The following ARHGEF7 variants were observed in gnomAD, a reference collection of about 807,000 sequenced individuals.
The protein encoded by ARHGEF7 is PAK-interacting exchange factor beta.
ARHGEF7 carries 33 observed loss-of-function variants against 109.8 expected under a neutral mutation model. The ratio of observed to expected loss-of-function variants is 0.30; its 90% CI spans 0.23 to 0.40. The LOEUF is 0.40. Ranked by LOEUF, ARHGEF7 falls within the 10% of genes least tolerant of loss-of-function variation. The pLI is 1.00. For missense variants in ARHGEF7, 938 were observed against 1,098.5 expected (o/e 0.85, Z 2.07); for synonymous variants, 458 against 424.6 (o/e 1.08, Z -0.97).
At chr13:111,154,084 C>T (rs1220593470) in intron 2 of ARHGEF7, 93 bp downstream of exon 2, 1 of 1,269,786 alleles carries the variant, frequency 7.9e-7, no homozygotes, top group Non-Finnish European at 1.1e-6. Context: ...CTCCTGCCTC[C>T]TCCGCGCCCG....
intron 16 of ARHGEF7, among the ~76,000 whole-genome samples, chr13:111,284,628 A>AT (rs1048320270): frequency 2.6e-5 from 4 of 152,068 alleles, no homozygotes; most frequent in East Asian, 1.9e-4. Flanking sequence ...AAGATAAACA[A>AT]TTTTTTTTGA....
chr13:111,137,848 T>A (rs1392935176), intron 1 of ARHGEF7, among the ~76,000 whole-genome samples: 1 of 152,184 alleles, frequency 6.6e-6, no homozygotes, highest in Non-Finnish European at 1.5e-5. Flanking sequence ...TGGGAAGAAC[T>A]ATAGCTAAAT....
At chr13:111,135,375 A>G (rs867981718) in intron 1 of ARHGEF7, among the ~76,000 whole-genome samples, 1 of 152,158 alleles carries the variant, frequency 6.6e-6, no homozygotes, top group Non-Finnish European at 1.5e-5. Context: ...CATTGAATCT[A>G]TAAATTACCT....
At chr13:111,293,984 C>T (rs887752434) in intron 19 of ARHGEF7, 3 of 985,342 alleles carry the variant, frequency 3.0e-6, no homozygotes, top group Non-Finnish European at 3.6e-6. Context: ...CAGGAGACAT[C>T]AGGGCAGCTG....
chr13:111,154,875 C>T (rs892370825), intron 2 of ARHGEF7, among the ~76,000 whole-genome samples: 2 of 152,036 alleles, frequency 1.3e-5, no homozygotes, highest in Non-Finnish European at 2.9e-5. Context: ...CCTTAGTTTT[C>T]TTATCTGTAA....
intron 2 of ARHGEF7, among the ~76,000 whole-genome samples, chr13:111,172,267 G>A (rs1418121246): frequency 6.6e-6 from 1 of 152,008 alleles, no homozygotes; most frequent in Non-Finnish European, 1.5e-5. Flanking sequence ...TTGGAAATGT[G>A]GTCCTGGAAG....
intron 8 of ARHGEF7, among the ~76,000 whole-genome samples, chr13:111,257,455 T>G (rs2090565307): frequency 1.3e-5 from 2 of 152,270 alleles, no homozygotes; most frequent in South Asian, 4.1e-4. Context: ...TTATAATAGT[T>G]AAATATCATG....
At chr13:111,198,207 T>C (rs763436002) in intron 2 of ARHGEF7, among the ~76,000 whole-genome samples, 7 of 152,124 alleles carry the variant, frequency 4.6e-5, no homozygotes, top group Non-Finnish European at 1.0e-4. Context: ...TAGTTGCTTT[T>C]AACTGGCCGA....
In ARHGEF7 at chr13:111,131,877, G is replaced by A. The variant is rs1336107190; in HGVS notation, c.165+16186G>A. ...AGGCATGCCCAGGACTGAAGAGGGG[G>A]CTGGGAGGGAGCCTGGCAGTCGCAG... On this transcript the variant is annotated intron_variant, in intron 1 of 21. Transcript: ENST00000646102. This position sits in a 1 kb window ranked among gnomAD's most constrained non-coding sequence, Gnocchi z 4.4. Among the ~76,000 whole-genome samples, 5 of 152,222 alleles carry A rather than the reference G, an allele frequency of 3.3e-5. No individual in the cohort carries two copies.
In ARHGEF7 at chr13:111,137,710, T is replaced by C. The variant is rs927306335; in HGVS notation, c.166-16195T>C. On this transcript the variant is annotated intron_variant, in intron 1 of 21. Coordinates refer to ENST00000646102, the MANE Select transcript of ARHGEF7 (RefSeq NM_001354046.2). ...AAATAAAAAAGAATATGTTTTTTTT[T>C]CATACAACAGAAGAGAAACAATCTC... is the stretch of plus-strand genomic sequence containing the variant. Among the ~76,000 whole-genome samples the C allele has an allele frequency of 3.9e-5, 6 of 152,292 alleles. No homozygotes were observed. In the South Asian group the frequency reaches 1.2e-3, roughly 32 times the overall value.
Position 111,147,692 on chromosome 13 carries a change from T to G in ARHGEF7, c.166-6213T>G, listed in dbSNP as rs1341750758. 3.4e-5 allele frequency among the ~76,000 whole-genome samples: 3 copies of G among 88,850 alleles called. No individual in the cohort carries two copies. In the South Asian group the frequency reaches 1.2e-3, roughly 37 times the overall value. 58.3% of individuals were successfully genotyped at this position (88,850 alleles called of 152,430 possible). A position where few individuals can be genotyped will look rare whatever the true frequency, so the allele number is the denominator to read the frequency against. On this transcript the variant is annotated intron_variant, in intron 1 of 21. Coordinates refer to ENST00000646102, the MANE Select transcript of ARHGEF7 (RefSeq NM_001354046.2). ...CACCCTTCCAACTCAGAGGTCACCT[T>G]TTTTTTTTTTTTTTTTTTTTTTTGA... is the stretch of plus-strand genomic sequence containing the variant.
intron 2 of ARHGEF7, among the ~76,000 whole-genome samples, chr13:111,186,404 A>G (rs1429931435): frequency 1.3e-5 from 2 of 152,186 alleles, no homozygotes; most frequent in African/African-American, 4.8e-5. Flanking sequence ...ATTTGGGTGC[A>G]TGTTGGGTGA....
chr13:111,204,261 G>A (rs1484102676), intron 2 of ARHGEF7, among the ~76,000 whole-genome samples: 7 of 152,214 alleles, frequency 4.6e-5, no homozygotes, highest in Admixed American at 2.6e-4. Flanking sequence ...GACAGCCCTG[G>A]AGAGAAGGTG....
At chr13:111,275,129 C>T (rs915579409) in intron 11 of ARHGEF7, among the ~76,000 whole-genome samples, 1 of 152,122 alleles carries the variant, frequency 6.6e-6, no homozygotes, top group Admixed American at 6.5e-5. Context: ...TTACCAACTG[C>T]GTTTTGGAAA....
Position 111,273,746 on chromosome 13 carries a change from G to C in ARHGEF7, c.1074-68G>C. On this transcript the variant is annotated intron_variant, in intron 9 of 21. Transcript: ENST00000646102. This position sits in a 1 kb window ranked among gnomAD's most constrained non-coding sequence, Gnocchi z 4.5. ...TCATAAATTCTGGCTGTTGCTCATG[G>C]AGATGAGAGAGCCACCATTGTCTCT... is the stretch of plus-strand genomic sequence containing the variant. 1 of 1,592,194 alleles carries C rather than the reference G, an allele frequency of 6.3e-7. No individual in the cohort carries two copies. The highest frequency in any genetic ancestry group is 1.1e-5 in the South Asian group (1 of 90,316).
At position 111,286,254 on chromosome 13, in the gene ARHGEF7, G is replaced by T. The variant is rs749997111; in HGVS notation, c.2044+14G>T. On this transcript the variant is annotated intron_variant, in intron 17 of 21. Coordinates refer to ENST00000646102, the MANE Select transcript of ARHGEF7 (RefSeq NM_001354046.2). ...CGTCCCGGAAAAGTGAGTACCTGCG[G>T]TCCGTGTGGTGGAGGACGTGGCCTC... 1 of 1,606,660 alleles carries T rather than the reference G, an allele frequency of 6.2e-7. No homozygotes were observed. The highest frequency in any genetic ancestry group is 1.7e-5 in the Admixed American group (1 of 59,986).
At chr13:111,271,323 C>G (rs1034384937) in intron 9 of ARHGEF7, among the ~76,000 whole-genome samples, 5 of 152,164 alleles carry the variant, frequency 3.3e-5, no homozygotes, top group African/African-American at 1.2e-4. Flanking sequence ...CCTGGACCCT[C>G]CTCAGTTCCC....
At chr13:111,295,232 T>C (rs1274053048) in intron 19 of ARHGEF7, 8 of 933,252 alleles carry the variant, frequency 8.6e-6, no homozygotes, top group Non-Finnish European at 1.0e-5. Context: ...GGGAGGGGAA[T>C]AGCATAGTTT....
intron 1 of ARHGEF7, among the ~76,000 whole-genome samples, chr13:111,127,055 A>G (rs1218623891): frequency 1.3e-5 from 2 of 152,192 alleles, no homozygotes; most frequent in Non-Finnish European, 2.9e-5. Context: ...AAAAACGGGG[A>G]AAAGACAGAA....
Sources: gnomAD v4.1 joint callset for allele counts (sites outside exome capture counted in the v4.1 genomes callset) on GRCh38, gnomAD v4.1.1 for gene constraint, Gnocchi (gnomAD v3.1) non-coding constraint, MANE v1.5 for transcripts, NCBI Gene and HGNC (gene_info 2026-07-23, HGNC 2026-07-21) for gene names.